Variants in PTER observed in about 807,000 individuals in gnomAD.
PTER encodes phosphotriesterase related.
PTER carries 38 observed loss-of-function variants against 29.6 expected under a neutral mutation model. The ratio of observed to expected loss-of-function variants is 1.28; its 90% CI spans 0.99 to 1.68. PTER has a LOEUF of 1.68. Ranked by LOEUF, PTER falls within the 40% of genes most tolerant of loss-of-function variation. The pLI is 0.00. For synonymous variants in PTER, 172 were observed against 154.5 expected (o/e 1.11, Z -0.84); for missense variants, 482 against 427.8 (o/e 1.13, Z -1.12).
At position 16,458,387 on chromosome 10, in the gene PTER, TG is replaced by T. The variant is rs375689139; in HGVS notation, c.-49+21341del. 3.5e-3 allele frequency among the ~76,000 whole-genome samples: 534 copies of T among 152,298 alleles called. 5 individuals are homozygous for T. The highest frequency in any genetic ancestry group is 0.012 in the African/African-American group (498 of 41,560). On this transcript the variant is annotated intron_variant, in intron 1 of 4. Coordinates refer to ENST00000535784, the MANE Select transcript of PTER (RefSeq NM_001261836.2). ...TTGCAGTGTATGCATGGGGGGACTG[TG>T]CTTATGCGATTATGATATTATAGTG...
chr10:16,465,648 T>C (rs1043974186), intron 1 of PTER, among the ~76,000 whole-genome samples: 16 of 152,178 alleles, frequency 1.1e-4, no homozygotes, highest in African/African-American at 3.6e-4. Context: ...TATTTGCTCA[T>C]TGGTTGAGCA....
downstream of PTER, chr10:16,514,201 G>A (rs915580331): frequency 2.5e-6 from 1 of 395,884 alleles, no homozygotes; most frequent in East Asian, 3.5e-5. Flanking sequence ...GTACACCAAA[G>A]TATCATATAT....
At chr10:16,477,169 G>A (rs1029104545) in intron 1 of PTER, among the ~76,000 whole-genome samples, 2 of 152,136 alleles carry the variant, frequency 1.3e-5, no homozygotes, top group African/African-American at 4.8e-5. Flanking sequence ...CTCCCAGAGT[G>A]CTGGGATTAC....
At chr10:16,464,614 T>C (rs1834740881) in intron 1 of PTER, among the ~76,000 whole-genome samples, 1 of 152,226 alleles carries the variant, frequency 6.6e-6, no homozygotes, top group East Asian at 1.9e-4. Flanking sequence ...TGTAAGCTAA[T>C]GTACAACCTA....
At chr10:16,466,350 G>A (rs572110013) in intron 1 of PTER, among the ~76,000 whole-genome samples, 1 of 151,516 alleles carries the variant, frequency 6.6e-6, no homozygotes, top group Non-Finnish European at 1.5e-5. Context: ...TCTAAAAACA[G>A]GTATCTGCAC....
rs934069930 is a variant in PTER at position 16,512,070 on chromosome 10, AAG to A, written c.*818_*819del. The A allele has an allele frequency of 2.7e-4, 41 of 152,498 alleles. No homozygotes were observed. Among genetic ancestry groups the A allele is most frequent in the African/African-American group, 9.9e-4 (41 of 41,400 alleles). 9.4% of individuals were successfully genotyped at this position (152,498 alleles called of 1,614,324 possible). On this transcript the variant is annotated 3_prime_UTR_variant, in exon 5 of 5. Transcript: ENST00000535784. ...TGGTAAGATATAATGCAAAAAAAAAAAGAGAAATGTTTGCCTTATGTATATTC... is the reference window on the plus strand; with the variant it reads ...TGGTAAGATATAATGCAAAAAAAAAAAGAAATGTTTGCCTTATGTATATTC...
downstream of PTER, among the ~76,000 whole-genome samples, chr10:16,518,721 C>G (rs1327233508): frequency 6.6e-6 from 1 of 152,080 alleles, no homozygotes; most frequent in East Asian, 1.9e-4. Context: ...AAATTGGAAT[C>G]ATTTCATTTT....
chr10:16,486,583 G>T lies in PTER; in HGVS notation c.664G>T (p.Asp222Tyr). ...CCGAATATTGCAAGAAGCAGGCGCAGACATCTCCAAAACAGTCATGTCACA... is the reference window on the plus strand; with the variant it reads ...CCGAATATTGCAAGAAGCAGGCGCATACATCTCCAAAACAGTCATGTCACA... ...IIRILQEAGADISKTVMSHLD... is the reference protein window; with the variant it reads ...IIRILQEAGAYISKTVMSHLD... The change falls in exon 3 of 5, where the codon GAC (aspartate) becomes TAC (tyrosine). Residue 222 changes from aspartate (D) to tyrosine (Y), a missense_variant. Transcript: ENST00000535784. 5 of 1,613,900 alleles carry T rather than the reference G, an allele frequency of 3.1e-6. No individual in the cohort carries two copies. Among genetic ancestry groups the T allele is most frequent in the Non-Finnish European group, 4.2e-6 (5 of 1,179,878 alleles).
At chr10:16,488,313 A>C (rs899902397) in intron 3 of PTER, among the ~76,000 whole-genome samples, 3 of 152,174 alleles carry the variant, frequency 2.0e-5, no homozygotes, top group Admixed American at 1.3e-4. Context: ...GGACAGCTTA[A>C]TTTGAATTTA....
At chr10:16,490,582 A>C (rs531350770) in intron 3 of PTER, among the ~76,000 whole-genome samples, 1 of 151,924 alleles carries the variant, frequency 6.6e-6, no homozygotes, top group South Asian at 2.1e-4. Context: ...CGAGCAAGTA[A>C]GTGTTACTTT....
chr10:16,487,160 A>G (rs936364469), intron 3 of PTER, among the ~76,000 whole-genome samples: 2 of 152,224 alleles, frequency 1.3e-5, no homozygotes, highest in Non-Finnish European at 2.9e-5. Context: ...TGTGTTGGGT[A>G]GTATCATGCA....
At chr10:16,456,259 C>A (rs1442513450) in intron 1 of PTER, among the ~76,000 whole-genome samples, 2 of 152,164 alleles carry the variant, frequency 1.3e-5, no homozygotes, top group Non-Finnish European at 2.9e-5. Context: ...TGCTATGGGC[C>A]ATCCATTGTA....
At chr10:16,479,873 T>C (rs1588612133) in intron 1 of PTER, among the ~76,000 whole-genome samples, 2 of 151,698 alleles carry the variant, frequency 1.3e-5, no homozygotes, top group African/African-American at 4.8e-5. Flanking sequence ...CTTCACTTCA[T>C]ATTGTCTGCA....
intron 1 of PTER, among the ~76,000 whole-genome samples, chr10:16,448,677 A>G (rs944614130): frequency 6.6e-6 from 1 of 152,214 alleles, no homozygotes; most frequent in Non-Finnish European, 1.5e-5. Context: ...GGGTACAATC[A>G]GCATAATGTC....
At chr10:16,507,372 G>A (rs908946029) in intron 4 of PTER, among the ~76,000 whole-genome samples, 2 of 152,076 alleles carry the variant, frequency 1.3e-5, no homozygotes. Context: ...GGGAGCAGTA[G>A]TTCCCTATGA....
intron 1 of PTER, among the ~76,000 whole-genome samples, chr10:16,469,964 A>G (rs1057114526): frequency 6.6e-6 from 1 of 152,020 alleles, no homozygotes; most frequent in African/African-American, 2.4e-5. Flanking sequence ...TGTGAAAAAT[A>G]TAGAAATGTC....
intron 3 of PTER, among the ~76,000 whole-genome samples, chr10:16,490,328 C>T (rs1835852585): frequency 6.6e-6 from 1 of 152,080 alleles, no homozygotes; most frequent in Non-Finnish European, 1.5e-5. Context: ...TTAAGGTGAA[C>T]TAGCCAGGGA....
At chr10:16,451,571 G>C (rs964049988) in intron 1 of PTER, among the ~76,000 whole-genome samples, 1 of 152,142 alleles carries the variant, frequency 6.6e-6, no homozygotes, top group Non-Finnish European at 1.5e-5. Flanking sequence ...AAGTAGCTGG[G>C]TGTGGTGGTG....
At chr10:16,447,101 C>CTTTTTTTT (rs71374690) in intron 1 of PTER, among the ~76,000 whole-genome samples, 1 of 124,618 alleles carries the variant, frequency 8.0e-6, no homozygotes, top group Non-Finnish European at 1.6e-5. Flanking sequence ...TTTTTCTTTT[C>CTTTTTTTT]TTTTTTTTTT....
Sources: gnomAD v4.1 joint callset for allele counts (sites outside exome capture counted in the v4.1 genomes callset) on GRCh38, gnomAD v4.1.1 for gene constraint, MANE v1.5 for transcripts, NCBI Gene and HGNC (gene_info 2026-07-23, HGNC 2026-07-21) for gene names.